ANO4: variants seen among roughly 807,000 people sequenced by gnomAD.
The protein encoded by ANO4 is anoctamin-4.
A neutral mutation model predicts 141.9 loss-of-function variants in ANO4; 69 were observed. That is an observed-to-expected ratio of 0.49 (90% CI 0.40 to 0.59). The LOEUF (loss-of-function observed/expected upper bound fraction) is 0.59, where lower values mean the gene tolerates loss of function less well. Among genes scored for constraint, ANO4 ranks in the 20% least tolerant of loss-of-function variants. The probability of loss-of-function intolerance (pLI) is 0.00; values close to 1 mark genes in which losing one functional copy is unlikely to be tolerated. For synonymous variants in ANO4, 350 were observed against 394.3 expected (o/e 0.89, Z 1.33); for missense variants, 894 against 1,162.2 (o/e 0.77, Z 3.36).
intron 1 of ANO4, among the ~76,000 whole-genome samples, chr12:100,861,584 A>G (rs2038477514): frequency 6.6e-6 from 1 of 152,204 alleles, no homozygotes; most frequent in Non-Finnish European, 1.5e-5. Flanking sequence ...GTAAATGAAT[A>G]TGAAGGCCTA....
At chr12:100,913,865 G>T (rs989834816) in intron 2 of ANO4, among the ~76,000 whole-genome samples, 8 of 152,104 alleles carry the variant, frequency 5.3e-5, no homozygotes, top group Non-Finnish European at 8.8e-5. Flanking sequence ...TTGTCATTTC[G>T]CAAGGGCAAT....
chr12:101,068,591 G>C, intron 14 of ANO4: 1 of 1,416,298 alleles, frequency 7.1e-7, no homozygotes, highest in Non-Finnish European at 1.0e-6. Flanking sequence ...CAAAAGTGTG[G>C]TGAAAGTGCT....
intron 14 of ANO4, among the ~76,000 whole-genome samples, chr12:101,058,887 T>G (rs2048235245): frequency 6.6e-6 from 1 of 152,222 alleles, no homozygotes; most frequent in Non-Finnish European, 1.5e-5. Flanking sequence ...TGACCAGAAC[T>G]TTCAATACTG....
At chr12:100,861,250 C>G (rs2038458731) in intron 1 of ANO4, among the ~76,000 whole-genome samples, 1 of 152,100 alleles carries the variant, frequency 6.6e-6, no homozygotes, top group South Asian at 2.1e-4. Context: ...CTCCAAGTCC[C>G]CATTCGACCA....
At chr12:101,118,684 C>T (rs1235451795) in intron 25 of ANO4, among the ~76,000 whole-genome samples, 1 of 152,122 alleles carries the variant, frequency 6.6e-6, no homozygotes, top group Non-Finnish European at 1.5e-5. Flanking sequence ...AGGGAATTTG[C>T]TGAAGTGAGT....
At chr12:101,052,550 A>C (rs1389121872) in intron 14 of ANO4, among the ~76,000 whole-genome samples, 1 of 152,140 alleles carries the variant, frequency 6.6e-6, no homozygotes, top group Non-Finnish European at 1.5e-5. Flanking sequence ...ATCCCCAGTA[A>C]ACACACCAAG....
chr12:100,936,939 C>T (rs956221917), intron 3 of ANO4, among the ~76,000 whole-genome samples: 20 of 152,148 alleles, frequency 1.3e-4, no homozygotes, highest in Non-Finnish European at 2.5e-4. Flanking sequence ...TTCAGAATAG[C>T]GAGCAGGTCC....
intron 8 of ANO4, among the ~76,000 whole-genome samples, chr12:101,003,407 T>C (rs1331441294): frequency 6.6e-6 from 1 of 152,230 alleles, no homozygotes; most frequent in African/African-American, 2.4e-5. Context: ...CCTCACACTC[T>C]GTGTGCCAAA....
intron 14 of ANO4, among the ~76,000 whole-genome samples, chr12:101,072,312 A>C (rs984904842): frequency 2.0e-5 from 3 of 152,162 alleles, no homozygotes; most frequent in Non-Finnish European, 4.4e-5. Flanking sequence ...ATCACTTCTT[A>C]CTTTCTATTA....
At chr12:100,764,568 A>G (rs149654098) in intron 3 of ANO4, among the ~76,000 whole-genome samples, 1 of 152,236 alleles carries the variant, frequency 6.6e-6, no homozygotes, top group Non-Finnish European at 1.5e-5. Flanking sequence ...AAGCAATACC[A>G]TTAACACATA....
intron 5 of ANO4, among the ~76,000 whole-genome samples, chr12:100,966,884 TACAC>T (rs139462317): frequency 0.049 from 7,278 of 147,534 alleles, 202 homozygotes; most frequent in East Asian, 0.096. Flanking sequence ...CACACACACA[TACAC>T]ACACACACAC....
chr12:100,864,454 C>T (rs2038647707), intron 1 of ANO4, among the ~76,000 whole-genome samples: 1 of 152,078 alleles, frequency 6.6e-6, no homozygotes, highest in Non-Finnish European at 1.5e-5. Context: ...GAATTCTGTC[C>T]TAAAAGTGTT....
chr12:100,998,617 C>T (rs527910994), intron 8 of ANO4, among the ~76,000 whole-genome samples: 3 of 152,282 alleles, frequency 2.0e-5, no homozygotes, highest in East Asian at 1.9e-4. Flanking sequence ...CATCTCTATA[C>T]GTCAATGCAT....
At chr12:101,003,576 T>C (rs1230406883) in intron 8 of ANO4, among the ~76,000 whole-genome samples, 1 of 152,214 alleles carries the variant, frequency 6.6e-6, no homozygotes, top group Non-Finnish European at 1.5e-5. Context: ...CTCGTATTAA[T>C]ATTGTTTTGT....
At chr12:100,882,500 G>A (rs1032567334) in intron 1 of ANO4, among the ~76,000 whole-genome samples, 22 of 152,066 alleles carry the variant, frequency 1.4e-4, no homozygotes, top group Admixed American at 1.2e-3. Flanking sequence ...TAGTAGTGGA[G>A]GCAGGACTTG....
chr12:100,741,700 G>A (rs956010331), intron 3 of ANO4, among the ~76,000 whole-genome samples: 1 of 152,200 alleles, frequency 6.6e-6, no homozygotes, highest in African/African-American at 2.4e-5. Flanking sequence ...CAGTTTGACA[G>A]CGGAAAGAAA....
rs531726467 is a variant in ANO4, at chr12:100,781,982, T to C, written c.358+41877T>C. 8.5e-5 allele frequency among the ~76,000 whole-genome samples: 13 copies of C among 152,338 alleles called. No homozygotes were observed. The East Asian group carries it at 1.5e-3, about 18-fold the overall frequency. On this transcript the variant is annotated intron_variant, in intron 3 of 29. Coordinates refer to the ANO4 transcript ENST00000644049. ...AAATACATAATTTTTGTGAGTCTCA[T>C]TGGCAATCTGGAAACTGTTCATCAG...
chr12:101,099,748 T>C, intron 22 of ANO4, 28 bp downstream of exon 22: 1 of 1,497,178 alleles, frequency 6.7e-7, no homozygotes, highest in South Asian at 1.4e-5. Context: ...TTTATCTTAT[T>C]AATTATAAAT....
rs544814717 is a variant in ANO4, at chr12:100,740,139, T to C, written c.358+34T>C. 2.5e-4 allele frequency: 176 copies of C among 699,832 alleles called. No individual in the cohort carries two copies. The African/African-American group carries it at 2.7e-3, about 11-fold the overall frequency. The allele number at this position is 699,832 out of a possible 1,614,324, so 43.4% of individuals were successfully genotyped here. A position where few individuals can be genotyped will look rare whatever the true frequency, so the allele number is the denominator to read the frequency against. On this transcript the variant is annotated intron_variant, in intron 3 of 29. Transcript: ENST00000644049. ...TGGCTTCCTGTTGGAGATTCGGGAC[T>C]GGGTGTGTATAAGATTCCTTCATGC...
Sources: allele counts gnomAD v4.1 joint callset (sites outside exome capture counted in the v4.1 genomes callset), GRCh38; gene constraint gnomAD v4.1.1; transcripts MANE v1.5; gene names NCBI Gene and HGNC (gene_info 2026-07-23, HGNC 2026-07-21).